The following EPB41L4B variants were observed in gnomAD, a reference collection of about 807,000 sequenced individuals.
EPB41L4B encodes band 4.1-like protein 4B.
EPB41L4B carries 30 observed loss-of-function variants against 112.5 expected under a neutral mutation model. The ratio of observed to expected loss-of-function variants is 0.27; its 90% CI spans 0.20 to 0.36. The LOEUF is 0.36. EPB41L4B is among the 10% of genes least tolerant of loss of function. The pLI, the probability that EPB41L4B is intolerant of heterozygous loss-of-function variation, is 1.00. For synonymous variants in EPB41L4B, 408 were observed against 439.7 expected, an observed-to-expected ratio of 0.93 and a Z score of 0.90; for missense variants, 1,024 against 1,133.3, an observed-to-expected ratio of 0.90 and a Z score of 1.38.
intron 14 of EPB41L4B, among the ~76,000 whole-genome samples, chr9:109,244,052 G>C (rs963581555): frequency 7.2e-5 from 11 of 152,138 alleles, no homozygotes; most frequent in African/African-American, 2.7e-4. Flanking sequence ...GAGAGTGGGA[G>C]GCAACTTCTC....
intron 15 of EPB41L4B, among the ~76,000 whole-genome samples, chr9:109,221,948 G>A (rs958349881): frequency 6.6e-6 from 1 of 152,198 alleles, no homozygotes; most frequent in Admixed American, 6.5e-5. Flanking sequence ...GTCTGAGGTT[G>A]TGCCCAACTC....
At chr9:109,228,775 T>A (rs17629774) in intron 15 of EPB41L4B, among the ~76,000 whole-genome samples, 18,908 of 152,238 alleles carry the variant, frequency 0.12, 1,426 homozygotes, top group East Asian at 0.18. Flanking sequence ...GGAGTCCTTA[T>A]AAAAAGTTCT....
intron 2 of EPB41L4B, among the ~76,000 whole-genome samples, chr9:109,275,671 T>A (rs1835786904): frequency 6.6e-6 from 1 of 152,176 alleles, no homozygotes; most frequent in South Asian, 2.1e-4. Context: ...TTCTCCTCCA[T>A]TAATTCTCTG....
intron 19 of EPB41L4B, among the ~76,000 whole-genome samples, chr9:109,202,221 T>C (rs542299116): frequency 1.3e-5 from 2 of 152,132 alleles, no homozygotes; most frequent in South Asian, 4.2e-4. Context: ...AGAGATGAAT[T>C]AAGTTTTTGA....
intron 1 of EPB41L4B, among the ~76,000 whole-genome samples, chr9:109,298,236 T>C (rs1836814181): frequency 6.6e-6 from 1 of 152,128 alleles, no homozygotes; most frequent in Non-Finnish European, 1.5e-5. Flanking sequence ...AATAGAATCT[T>C]GACTATAAGT....
Position 109,174,442 on chromosome 9 carries a change from TG to T in EPB41L4B, c.*111del. 9.5e-7 allele frequency: 1 copy of T among 1,055,614 alleles called. No homozygotes were observed. Among genetic ancestry groups the T allele is most frequent in the Non-Finnish European group, 1.5e-6 (1 of 683,116 alleles). 65.4% of individuals were successfully genotyped at this position (1,055,614 alleles called of 1,614,324 possible). On this transcript the variant is annotated 3_prime_UTR_variant, in exon 26 of 26. Coordinates refer to ENST00000374566, the MANE Select transcript of EPB41L4B (RefSeq NM_019114.5). Reference sequence around the variant, plus strand: ...TTGGCTTCAACTAACCATGGAGACCTGGGCGAACAGAGCACACACTTGTATG... The same window carrying T: ...TTGGCTTCAACTAACCATGGAGACCTGGCGAACAGAGCACACACTTGTATG...
In EPB41L4B at chr9:109,255,620, G is replaced by C; in HGVS notation, c.1060C>G (p.Leu354Val). ...RLDSARTCKH[L>V]WKCAVEHHAF... Reference sequence around the variant, plus strand: ...TGGTGCTCAACTGCACACTTCCAAAGGTGTTTGCAGGTCCTGGCACTGTCT... The same window carrying C: ...TGGTGCTCAACTGCACACTTCCAAACGTGTTTGCAGGTCCTGGCACTGTCT... The change falls in exon 11 of 26, where the codon CTT becomes GTT. Residue 354 changes from leucine (L) to valine (V), a missense_variant. By Grantham distance (32) the Leu-to-Val change is conservative. Coordinates refer to ENST00000374566, the MANE Select transcript of EPB41L4B (RefSeq NM_019114.5). 2 of 1,614,176 alleles carry C rather than the reference G, an allele frequency of 1.2e-6. No homozygotes were observed. The highest frequency in any genetic ancestry group is 1.7e-6 in the Non-Finnish European group (2 of 1,180,034).
chr9:109,295,128 G>A (rs1836688381), intron 1 of EPB41L4B, among the ~76,000 whole-genome samples: 1 of 152,210 alleles, frequency 6.6e-6, no homozygotes, highest in Admixed American at 6.5e-5. Flanking sequence ...TGGACGTTGA[G>A]TCACATTTTG....
intron 14 of EPB41L4B, among the ~76,000 whole-genome samples, chr9:109,244,928 G>A (rs938018875): frequency 7.2e-5 from 11 of 152,118 alleles, no homozygotes; most frequent in African/African-American, 1.4e-4. Context: ...AGTTCTGTTC[G>A]TTCCATTTTC....
rs1040788077 is a variant in EPB41L4B at position 109,221,800 on chromosome 9, T to C, written c.1410-4655A>G. ...AGGGAAAGATGTCTTGTAGCAGAGA[T>C]CTGGCGTACATTCAGGGCTGGAGGT... is the stretch of plus-strand genomic sequence containing the variant. On this transcript the variant is annotated intron_variant, in intron 15 of 25. Coordinates refer to ENST00000374566, the MANE Select transcript of EPB41L4B (RefSeq NM_019114.5). 8.5e-5 allele frequency among the ~76,000 whole-genome samples: 13 copies of C among 152,146 alleles called. No individual in the cohort carries two copies. The East Asian group carries it at 2.3e-3, about 27-fold the overall frequency.
intron 15 of EPB41L4B, among the ~76,000 whole-genome samples, chr9:109,223,294 G>A (rs138276901): frequency 4.8e-4 from 73 of 152,052 alleles, no homozygotes; most frequent in Admixed American, 2.4e-3. Context: ...AAATTAACCC[G>A]GTATGGTGGC....
Position 109,252,871 on chromosome 9 carries a change from G to A in EPB41L4B, c.1279+570C>T, listed in dbSNP as rs574501101. On this transcript the variant is annotated intron_variant, in intron 12 of 25. Transcript: ENST00000374566. ...ACTGACTGAGTTGTACTGTGTTCCG[G>A]GCCTCATACAGGTATGAGGCCCCAG... is the stretch of plus-strand genomic sequence containing the variant. Among the ~76,000 whole-genome samples, 5 of 152,130 alleles carry A rather than the reference G, an allele frequency of 3.3e-5. No homozygotes were observed. In the South Asian group the frequency reaches 1.0e-3, roughly 32 times the overall value.
At chr9:109,235,262 C>A (rs1834097892) in intron 15 of EPB41L4B, among the ~76,000 whole-genome samples, 1 of 151,938 alleles carries the variant, frequency 6.6e-6, no homozygotes, top group Non-Finnish European at 1.5e-5. Context: ...AGAGACATGT[C>A]TTTATATATG....
At chr9:109,298,313 C>CTTTT (rs68012872) in intron 1 of EPB41L4B, among the ~76,000 whole-genome samples, 14 of 143,130 alleles carry the variant, frequency 9.8e-5, no homozygotes, top group Admixed American at 2.1e-4. Flanking sequence ...ATCATATATG[C>CTTTT]TTTTTTTTTT....
chr9:109,209,054 AC>A (rs1417863419), intron 17 of EPB41L4B, among the ~76,000 whole-genome samples: 1 of 152,192 alleles, frequency 6.6e-6, no homozygotes, highest in Non-Finnish European at 1.5e-5. Flanking sequence ...GCCACCATGC[AC>A]CAGAGCAAGA....
chr9:109,267,086 ACAAT>A (rs772126166), intron 4 of EPB41L4B, among the ~76,000 whole-genome samples: 1 of 152,194 alleles, frequency 6.6e-6, no homozygotes, highest in Non-Finnish European at 1.5e-5. Context: ...TTGTATTGTA[ACAAT>A]CAAGAGAATA....
chr9:109,176,574 C>T lies in EPB41L4B; in HGVS notation c.2610G>A (p.Arg870=). 2 of 1,610,672 alleles carry T rather than the reference C, an allele frequency of 1.2e-6. No homozygotes were observed. The highest frequency in any genetic ancestry group is 1.7e-6 in the Non-Finnish European group (2 of 1,178,272). The change falls in exon 25 of 26, where the codon CGG becomes CGA. Residue 870 remains arginine (R), a synonymous_variant. Coordinates refer to ENST00000374566, the MANE Select transcript of EPB41L4B (RefSeq NM_019114.5). The stretch of plus-strand genomic sequence containing the variant: ...ACCTGGCTGCCAGAGAAACAGGTTT[C>T]CGGGTGGTGTAAATGGTCTGCACTG... ...VSTVQTIYTT[R]KPVSLAASAE...
intron 17 of EPB41L4B, among the ~76,000 whole-genome samples, chr9:109,212,498 T>G (rs1442897039): frequency 1.3e-5 from 2 of 152,192 alleles, no homozygotes; most frequent in Admixed American, 1.3e-4. Flanking sequence ...CAGGGCTTTT[T>G]GAAGGTTAAA....
chr9:109,201,361 G>T (rs7021721), intron 19 of EPB41L4B, among the ~76,000 whole-genome samples: 2 of 149,846 alleles, frequency 1.3e-5, no homozygotes, highest in East Asian at 3.9e-4. Context: ...GAGGTGGGAG[G>T]ATCACCTGAG....
Sources: gnomAD v4.1 joint callset for allele counts (sites outside exome capture counted in the v4.1 genomes callset) on GRCh38, gnomAD v4.1.1 for gene constraint, MANE v1.5 for transcripts, NCBI Gene and HGNC (gene_info 2026-07-23, HGNC 2026-07-21) for gene names.